Variants in PDE7A observed in about 807,000 individuals in gnomAD.
The protein encoded by PDE7A is high affinity 3',5'-cyclic-AMP phosphodiesterase 7A.
In PDE7A, 39 loss-of-function variants were observed where a neutral mutation model predicts 64.3. The observed-to-expected ratio is 0.61, with a 90% CI of 0.47 to 0.79. The LOEUF (loss-of-function observed/expected upper bound fraction) is 0.79. PDE7A is among the 30% of genes least tolerant of loss of function. PDE7A has a pLI of 0.00. For missense variants in PDE7A, 470 were observed against 582.8 expected, an observed-to-expected ratio of 0.81 and a Z score of 1.99; for synonymous variants, 203 against 206.8, an observed-to-expected ratio of 0.98 and a Z score of 0.16.
intron 3 of PDE7A, among the ~76,000 whole-genome samples, chr8:65,766,313 A>C (rs1007961404): frequency 2.1e-4 from 32 of 152,238 alleles, no homozygotes; most frequent in African/African-American, 7.7e-4. Flanking sequence ...AGGACTCAAA[A>C]TATCTTATTT....
Position 65,809,768 on chromosome 8 carries a change from A to G in PDE7A, c.139-26925T>C, listed in dbSNP as rs368899597. Reference sequence around the variant, plus strand: ...GAAAAAATGCTCATCATCACTGGTCAGAGAAATACTAATCAAAACCACAAT... The same window carrying G: ...GAAAAAATGCTCATCATCACTGGTCGGAGAAATACTAATCAAAACCACAAT... On this transcript the variant is annotated intron_variant, in intron 1 of 12. Transcript: ENST00000401827. Among the ~76,000 whole-genome samples, 46 of 152,360 alleles carry G rather than the reference A, an allele frequency of 3.0e-4. 1 individual carries two copies. The East Asian group carries it at 5.6e-3, about 19-fold the overall frequency.
At chr8:65,728,682 T>C (rs779680174) in intron 7 of PDE7A, 2 of 152,182 alleles carry the variant, frequency 1.3e-5, no homozygotes, top group Admixed American at 6.5e-5. Context: ...CCTTGACATA[T>C]ACATGAATGG....
At chr8:65,758,165 C>G (rs1266263822) in intron 3 of PDE7A, among the ~76,000 whole-genome samples, 1 of 152,124 alleles carries the variant, frequency 6.6e-6, no homozygotes, top group Non-Finnish European at 1.5e-5. Context: ...TACAAAGGTT[C>G]TGAACTAGTG....
At chr8:65,773,416 A>G (rs1265425324) in intron 3 of PDE7A, among the ~76,000 whole-genome samples, 3 of 152,244 alleles carry the variant, frequency 2.0e-5, no homozygotes, top group African/African-American at 4.8e-5. Context: ...TATGAACAGC[A>G]TGATGAGATC....
At chr8:65,776,373 A>G (rs928118964) in intron 3 of PDE7A, among the ~76,000 whole-genome samples, 5 of 152,150 alleles carry the variant, frequency 3.3e-5, no homozygotes, top group African/African-American at 9.7e-5. Context: ...AATAAGTTTG[A>G]TATCTATGAG....
intron 1 of PDE7A, among the ~76,000 whole-genome samples, chr8:65,823,328 T>C (rs569803359): frequency 4.6e-5 from 7 of 152,326 alleles, no homozygotes; most frequent in African/African-American, 1.4e-4. Context: ...ATGATGTTTC[T>C]ACAGATTGCA....
intron 3 of PDE7A, among the ~76,000 whole-genome samples, chr8:65,758,112 A>C (rs1414204219): frequency 3.3e-5 from 5 of 152,180 alleles, no homozygotes; most frequent in African/African-American, 1.2e-4. Context: ...TAGTCTAGCA[A>C]GTGCCTTTTC....
At chr8:65,732,127 T>C (rs745846884) in intron 7 of PDE7A, among the ~76,000 whole-genome samples, 4 of 152,054 alleles carry the variant, frequency 2.6e-5, no homozygotes, top group Non-Finnish European at 4.4e-5. Context: ...GCCTCCCAGG[T>C]AGCTGGGATT....
At position 65,809,519 on chromosome 8, in the gene PDE7A, G is replaced by A. The variant is rs192826267; in HGVS notation, c.139-26676C>T. 4.1e-4 allele frequency among the ~76,000 whole-genome samples: 63 copies of A among 152,244 alleles called. No homozygotes were observed. In the Middle Eastern group the frequency reaches 0.017, roughly 41 times the overall value. On this transcript the variant is annotated intron_variant, in intron 1 of 12. Coordinates refer to ENST00000401827, the MANE Select transcript of PDE7A (RefSeq NM_001242318.3). ...CCAAGAAAGCTATAGATTGATTTCC[G>A]TAAGAAATATTGCTGTAAAAGAAAC... is the stretch of plus-strand genomic sequence containing the variant.
intron 1 of PDE7A, among the ~76,000 whole-genome samples, chr8:65,818,181 C>T (rs1353777665): frequency 6.6e-6 from 1 of 152,144 alleles, no homozygotes; most frequent in Non-Finnish European, 1.5e-5. Flanking sequence ...TTTACTAAAT[C>T]CAGTATTTAG....
chr8:65,832,746 A>C (rs1017127279), intron 1 of PDE7A, among the ~76,000 whole-genome samples: 1 of 152,116 alleles, frequency 6.6e-6, no homozygotes, highest in Non-Finnish European at 1.5e-5. Flanking sequence ...CCTAAGCCTC[A>C]CAAGTGTTGG....
intron 3 of PDE7A, among the ~76,000 whole-genome samples, chr8:65,768,895 T>C (rs1808933145): frequency 6.6e-6 from 1 of 152,120 alleles, no homozygotes; most frequent in South Asian, 2.1e-4. Flanking sequence ...AGAAAACTTC[T>C]TTAGTGACAG....
chr8:65,840,987 G>A (rs898612806), intron 1 of PDE7A, among the ~76,000 whole-genome samples: 1 of 152,242 alleles, frequency 6.6e-6, no homozygotes, highest in African/African-American at 2.4e-5. Context: ...TATGGGAAGG[G>A]GGACAGGTAT....
intron 7 of PDE7A, among the ~76,000 whole-genome samples, chr8:65,728,890 A>G (rs1806718370): frequency 6.6e-6 from 1 of 152,240 alleles, no homozygotes; most frequent in African/African-American, 2.4e-5. Context: ...TAAAAATAGG[A>G]ACATGACAAT....
At chr8:65,808,952 C>T (rs1301400205) in intron 1 of PDE7A, among the ~76,000 whole-genome samples, 1 of 152,126 alleles carries the variant, frequency 6.6e-6, no homozygotes, top group African/African-American at 2.4e-5. Context: ...GTATTCTTCA[C>T]ACATAATCGC....
At chr8:65,835,923 A>C (rs1232294261) in intron 1 of PDE7A, among the ~76,000 whole-genome samples, 1 of 152,218 alleles carries the variant, frequency 6.6e-6, no homozygotes, top group Non-Finnish European at 1.5e-5. Context: ...CTCCAAATAC[A>C]CTATGGATTT....
At position 65,792,033 on chromosome 8, in the gene PDE7A, T is replaced by G. The variant is rs200498249; in HGVS notation, c.139-9190A>C. ...TCTTTTACCATAAATATTATGCTTA[T>G]AACTTAGATAATTCTCCTAAAAGTT... On this transcript the variant is annotated intron_variant, in intron 1 of 12. Transcript: ENST00000401827. Among the ~76,000 whole-genome samples, 9 of 152,300 alleles carry G rather than the reference T, an allele frequency of 5.9e-5. No individual in the cohort carries two copies. In the East Asian group the frequency reaches 1.7e-3, roughly 29 times the overall value.
intron 12 of PDE7A, 106 bp downstream of exon 12, chr8:65,723,435 A>C (rs1231863971): frequency 9.2e-7 from 1 of 1,087,488 alleles, no homozygotes; most frequent in East Asian, 3.4e-5. Flanking sequence ...ATTTTTAAAA[A>C]TAGAAATGAG....
chr8:65,823,166 A>G lies in PDE7A; in HGVS notation c.138+18205T>C, dbSNP rs116932002. On this transcript the variant is annotated intron_variant, in intron 1 of 12. Transcript: ENST00000401827. ...ACCACTGATGGGGAGAAGAGGGTGGAAAACCTCTAAAAAGTTTGAAAAACC... is the reference window on the plus strand; with the variant it reads ...ACCACTGATGGGGAGAAGAGGGTGGGAAACCTCTAAAAAGTTTGAAAAACC... 3.9e-3 allele frequency among the ~76,000 whole-genome samples: 591 copies of G among 152,292 alleles called. 1 individual carries two copies. Among genetic ancestry groups the G allele is most frequent in the Non-Finnish European group, 6.5e-3 (442 of 68,022 alleles).
Sources: allele counts gnomAD v4.1 joint callset (sites outside exome capture counted in the v4.1 genomes callset), GRCh38; gene constraint gnomAD v4.1.1; transcripts MANE v1.5; gene names NCBI Gene and HGNC (gene_info 2026-07-23, HGNC 2026-07-21).